Variants in MNAT1 observed in about 807,000 individuals in gnomAD.
The protein encoded by MNAT1 is MNAT1 component of CDK activating kinase, also known as CDK-activating kinase assembly factor MAT1.
In MNAT1, 43 loss-of-function variants were observed where a neutral mutation model predicts 42.0. That is an observed-to-expected ratio of 1.02 (90% confidence interval 0.80 to 1.32). MNAT1 has a LOEUF of 1.32. Among genes scored for constraint, MNAT1 ranks in the 40% most tolerant of loss-of-function variants. The pLI is 0.00. For missense variants in MNAT1, 306 were observed against 350.4 expected, an observed-to-expected ratio of 0.87 and a Z score of 1.01; for synonymous variants, 118 against 120.0, an observed-to-expected ratio of 0.98 and a Z score of 0.11.
At chr14:60,910,587 GT>G (rs2035327305) in intron 7 of MNAT1, among the ~76,000 whole-genome samples, 1 of 152,060 alleles carries the variant, frequency 6.6e-6, no homozygotes, top group Non-Finnish European at 1.5e-5. Context: ...AGATAATCAT[GT>G]TTTTTTGTCG....
Position 60,947,553 on chromosome 14 carries a change from C to T in MNAT1, c.810-20676C>T, listed in dbSNP as rs142683685. Among the ~76,000 whole-genome samples the T allele has an allele frequency of 5.1e-3, 773 of 152,142 alleles. 14 individuals are homozygous for T. Among genetic ancestry groups the T allele is most frequent in the African/African-American group, 0.017 (724 of 41,510 alleles). On this transcript the variant is annotated intron_variant, in intron 7 of 7. Coordinates refer to ENST00000261245, the MANE Select transcript of MNAT1 (RefSeq NM_002431.4). ...CAAAAATTAGCCAGGCATGGTGATG[C>T]GTGCCTATAATCCTGGCTACTCTGG...
intron 6 of MNAT1, among the ~76,000 whole-genome samples, chr14:60,861,020 T>C (rs1038468539): frequency 5.3e-5 from 8 of 152,190 alleles, no homozygotes; most frequent in Non-Finnish European, 7.4e-5. Flanking sequence ...AGTGCTGACA[T>C]AATATGAGAA....
At chr14:60,834,102 T>C (rs1358661568) in intron 6 of MNAT1, among the ~76,000 whole-genome samples, 1 of 152,186 alleles carries the variant, frequency 6.6e-6, no homozygotes, top group African/African-American at 2.4e-5. Context: ...TCTTTTTCGT[T>C]AATCTTTTCA....
rs1416159062 is a variant in MNAT1 at position 60,943,033 on chromosome 14, TGTGTGTGTGTGTGTGTGCGC to T, written c.810-25195_810-25176del. On this transcript the variant is annotated intron_variant, in intron 7 of 7. Transcript: ENST00000261245. Reference sequence around the variant, plus strand: ...GTGTGTGTGTGTGTGTGTGTGTGTGTGTGTGTGTGTGTGTGTGCGCTTTTTTTTTTTTTTTTTTGAGACGG... The same window carrying T: ...GTGTGTGTGTGTGTGTGTGTGTGTGTTTTTTTTTTTTTTTTTTTGAGACGG... 1.6e-4 allele frequency among the ~76,000 whole-genome samples: 22 copies of T among 133,712 alleles called. 1 individual carries two copies. Among genetic ancestry groups the T allele is most frequent in the African/African-American group, 6.4e-4 (22 of 34,258 alleles). The allele number at this position is 133,712 out of a possible 152,430, so 87.7% of individuals were successfully genotyped here. A position where few individuals can be genotyped will look rare whatever the true frequency, so the allele number is the denominator to read the frequency against.
intron 7 of MNAT1, among the ~76,000 whole-genome samples, chr14:60,887,153 T>C (rs1280939993): frequency 6.6e-6 from 1 of 152,184 alleles, no homozygotes; most frequent in Non-Finnish European, 1.5e-5. Flanking sequence ...TGATGAGTTG[T>C]ATAACATTGA....
intron 7 of MNAT1, among the ~76,000 whole-genome samples, chr14:60,881,283 C>T (rs1432704634): frequency 6.6e-6 from 1 of 152,122 alleles, no homozygotes; most frequent in African/African-American, 2.4e-5. Context: ...CTCCTGGGTT[C>T]AAGTGATTCT....
At chr14:60,791,256 T>G (rs189679766) in intron 1 of MNAT1, among the ~76,000 whole-genome samples, 1 of 152,286 alleles carries the variant, frequency 6.6e-6, no homozygotes, top group East Asian at 1.9e-4. Flanking sequence ...AATTTTGAGT[T>G]CTAAGATAAT....
At chr14:60,947,932 T>A (rs113447208) in intron 7 of MNAT1, among the ~76,000 whole-genome samples, 2 of 152,324 alleles carry the variant, frequency 1.3e-5, no homozygotes, top group African/African-American at 4.8e-5. Flanking sequence ...AGATTTCTTC[T>A]TGCTGCTATG....
At chr14:60,939,347 C>T (rs918445947) in intron 7 of MNAT1, among the ~76,000 whole-genome samples, 1 of 152,092 alleles carries the variant, frequency 6.6e-6, no homozygotes, top group Non-Finnish European at 1.5e-5. Flanking sequence ...TAGATCTTTC[C>T]TCCTTTCTCT....
intron 7 of MNAT1, among the ~76,000 whole-genome samples, chr14:60,894,795 A>G (rs1019826258): frequency 6.6e-6 from 1 of 152,258 alleles, no homozygotes; most frequent in African/African-American, 2.4e-5. Context: ...GTCTTTGTCC[A>G]TAAAGACTGT....
At chr14:60,772,523 A>G (rs2031096936) in intron 1 of MNAT1, among the ~76,000 whole-genome samples, 2 of 151,098 alleles carry the variant, frequency 1.3e-5, no homozygotes, top group African/African-American at 4.9e-5. Context: ...TTGAACCAGG[A>G]GGCGGAGGTT....
intron 3 of MNAT1, among the ~76,000 whole-genome samples, chr14:60,802,844 T>C (rs1158594951): frequency 6.6e-6 from 1 of 152,160 alleles, no homozygotes; most frequent in Non-Finnish European, 1.5e-5. Flanking sequence ...GTGAAAACTT[T>C]AGTTTTAGAC....
intron 6 of MNAT1, among the ~76,000 whole-genome samples, chr14:60,824,537 T>G (rs2032996191): frequency 6.6e-6 from 1 of 152,168 alleles, no homozygotes; most frequent in South Asian, 2.1e-4. Flanking sequence ...TACCAAAGTA[T>G]TTGAATTAGG....
intron 1 of MNAT1, among the ~76,000 whole-genome samples, chr14:60,757,061 G>A (rs1169566399): frequency 6.6e-6 from 1 of 152,168 alleles, no homozygotes; most frequent in East Asian, 1.9e-4. Context: ...GAGAGAACAG[G>A]CTATTTGACT....
chr14:60,879,574 G>T, intron 6 of MNAT1, 140 bp from the exon 7 acceptor site: 1 of 721,810 alleles, frequency 1.4e-6, no homozygotes, highest in Non-Finnish European at 2.2e-6. Flanking sequence ...ATGCTGCAAT[G>T]CATTGTACCC....
intron 3 of MNAT1, among the ~76,000 whole-genome samples, chr14:60,803,449 A>G (rs1450872880): frequency 6.6e-6 from 1 of 152,120 alleles, no homozygotes; most frequent in African/African-American, 2.4e-5. Context: ...TTTTATTCCT[A>G]TTTTGCATCT....
intron 1 of MNAT1, chr14:60,780,013 C>A: frequency 6.4e-7 from 1 of 1,563,342 alleles, no homozygotes; most frequent in Non-Finnish European, 8.8e-7. Context: ...AGGGAATCAC[C>A]CTGCGTGGGA....
chr14:60,851,281 T>A (rs140901904), intron 6 of MNAT1, among the ~76,000 whole-genome samples: 59 of 152,314 alleles, frequency 3.9e-4, no homozygotes, highest in African/African-American at 1.1e-3. Context: ...AATTTGTACT[T>A]CTTTGTACTA....
At chr14:60,916,829 A>G (rs541494461) in intron 7 of MNAT1, among the ~76,000 whole-genome samples, 2 of 152,076 alleles carry the variant, frequency 1.3e-5, no homozygotes, top group South Asian at 4.2e-4. Context: ...TGTGCATGCC[A>G]GTAGTCCCAA....
Sources: gnomAD v4.1 joint callset for allele counts (sites outside exome capture counted in the v4.1 genomes callset) on GRCh38, gnomAD v4.1.1 for gene constraint, MANE v1.5 for transcripts, NCBI Gene and HGNC (gene_info 2026-07-23, HGNC 2026-07-21) for gene names.